Variants in RNF32 observed in about 807,000 individuals in gnomAD.
The protein encoded by RNF32 is ring finger protein 32.
Under a neutral mutation model 41.0 loss-of-function variants are expected in RNF32, and 36 were observed. The ratio of observed to expected loss-of-function variants is 0.88; its 90% confidence interval spans 0.67 to 1.16. The LOEUF (loss-of-function observed/expected upper bound fraction) is 1.16. RNF32 is among the 50% of genes most tolerant of loss of function. The pLI is 0.00. For synonymous variants in RNF32, 154 were observed against 160.9 expected (o/e 0.96, Z 0.32); for missense variants, 413 against 436.7 (o/e 0.95, Z 0.48).
intron 8 of RNF32, 174 bp from the exon 9 acceptor site, chr7:156,676,245 G>GTGTATA (rs57844131): frequency 1.2e-4 from 184 of 1,505,126 alleles, no homozygotes; most frequent in Middle Eastern, 3.9e-4. Flanking sequence ...ATATGTGTGT[G>GTGTATA]TATATATATA....
chr7:156,656,240 A>G (rs1346244572), intron 4 of RNF32, among the ~76,000 whole-genome samples: 1 of 152,230 alleles, frequency 6.6e-6, no homozygotes, highest in Non-Finnish European at 1.5e-5. Context: ...CTGGAATCCA[A>G]TCCTAACTTC....
chr7:156,660,364 A>T lies in RNF32; in HGVS notation c.684+1794A>T, dbSNP rs1405658449. 3 of 912,932 alleles carry T rather than the reference A, an allele frequency of 3.3e-6. No homozygotes were observed. In the Admixed American group the frequency reaches 1.9e-4, roughly 56 times the overall value. 56.6% of individuals were successfully genotyped at this position (912,932 alleles called of 1,614,324 possible). On this transcript the variant is annotated intron_variant, in intron 7 of 8. Coordinates refer to ENST00000317955, the MANE Select transcript of RNF32 (RefSeq NM_030936.4). The stretch of plus-strand genomic sequence containing the variant: ...AATGCTATTCTAGCTTGTATATTAC[A>T]AATGTGGTTTTTCCTTTGGGGCTTT...
rs1196897736 is a variant in RNF32, at chr7:156,670,774, G to A, written c.685-4922G>A. Among the ~76,000 whole-genome samples the A allele has an allele frequency of 6.6e-6, 1 of 152,142 alleles. No homozygotes were observed. Among genetic ancestry groups the A allele is most frequent in the Admixed American group, 6.6e-5 (1 of 15,260 alleles). ...AATGAAAGTTACATTCAAGACGAGA[G>A]GCAAAAGAAAAGCCAGACAAAAAGT... On this transcript the variant is annotated intron_variant, in intron 7 of 8. Transcript: ENST00000317955. The surrounding 1 kb of genome is among the most constrained non-coding windows in gnomAD (Gnocchi z 4.3).
chr7:156,656,360 T>C (rs1452595663), intron 4 of RNF32, among the ~76,000 whole-genome samples: 1 of 152,236 alleles, frequency 6.6e-6, no homozygotes, highest in East Asian at 1.9e-4. Flanking sequence ...AACACTTTAA[T>C]ATACTGACGT....
intron 7 of RNF32, chr7:156,658,844 AAT>A (rs1211473581): frequency 6.7e-7 from 1 of 1,483,318 alleles, no homozygotes; most frequent in Non-Finnish European, 9.2e-7. Context: ...TAATTGTTTA[AAT>A]AAACTTATCT....
upstream of RNF32, chr7:156,640,659 AG>A: frequency 2.9e-6 from 1 of 341,574 alleles, no homozygotes; most frequent in South Asian, 2.1e-5. Context: ...GAGCATGCGC[AG>A]TATGGGGCGG....
intron 7 of RNF32, among the ~76,000 whole-genome samples, chr7:156,674,812 G>A (rs539131506): frequency 1.3e-5 from 2 of 152,186 alleles, no homozygotes; most frequent in Non-Finnish European, 2.9e-5. Context: ...TAATGTGACT[G>A]CCAGAAATTT....
chr7:156,662,545 C>T (rs2131550152), intron 7 of RNF32, among the ~76,000 whole-genome samples: 1 of 152,190 alleles, frequency 6.6e-6, no homozygotes, highest in Non-Finnish European at 1.5e-5. Context: ...CGTGTGTACA[C>T]AGGCACAGTC....
chr7:156,653,944 C>T (rs1025900558), intron 3 of RNF32, among the ~76,000 whole-genome samples: 2 of 152,238 alleles, frequency 1.3e-5, no homozygotes, highest in East Asian at 3.9e-4. Context: ...TGGGCCAATA[C>T]GTGTGAACAA....
chr7:156,664,572 G>A (rs1328754786), intron 7 of RNF32, among the ~76,000 whole-genome samples: 1 of 152,184 alleles, frequency 6.6e-6, no homozygotes, highest in Non-Finnish European at 1.5e-5. Flanking sequence ...TACAAGTGGA[G>A]AATTTCCTTG....
At chr7:156,640,379 G>C (rs759048225), upstream of RNF32, 4 of 440,306 alleles carry the variant, frequency 9.1e-6, no homozygotes, top group Non-Finnish European at 1.8e-5. Context: ...AAAGCCGCCG[G>C]GGGCTGCGGA....
chr7:156,658,355 A>G (rs1332758248), intron 6 of RNF32, 103 bp downstream of exon 6: 3 of 1,560,478 alleles, frequency 1.9e-6, no homozygotes, highest in Non-Finnish European at 1.8e-6. Context: ...CTTGGCCACC[A>G]TAATTTCCCC....
intron 3 of RNF32, among the ~76,000 whole-genome samples, chr7:156,654,026 T>A (rs572215729): frequency 1.3e-5 from 2 of 152,066 alleles, no homozygotes; most frequent in African/African-American, 4.8e-5. Flanking sequence ...TATTGGGAAA[T>A]GAAATAAGAT....
chr7:156,644,511 A>G lies in RNF32; in HGVS notation c.28A>G (p.Lys10Glu). 3 of 1,609,592 alleles carry G rather than the reference A, an allele frequency of 1.9e-6. No homozygotes were observed. Among genetic ancestry groups the G allele is most frequent in the Non-Finnish European group, 2.5e-6 (3 of 1,177,986 alleles). The change falls in exon 3 of 9, where the codon AAG becomes GAG. Residue 10 changes from lysine to glutamate, a missense_variant. Physicochemically the swap from Lys to Glu is moderately conservative, Grantham distance 56. Coordinates refer to ENST00000317955, the MANE Select transcript of RNF32 (RefSeq NM_030936.4). ...TCCTACTTTTTAGGGTCACTCATCT[A>G]AGAAAGATAACTTGGCAGTCAATGC... The part of the protein sequence containing the change: MLKNKGHSS[K>E]KDNLAVNAVA...
In RNF32 at chr7:156,670,809, G is replaced by A. The variant is rs562905103; in HGVS notation, c.685-4887G>A. ...AAGCCAGACAAAAAGTGTGCCACTA[G>A]AACGTCTTCGTTAAAGGAAATTCTA... On this transcript the variant is annotated intron_variant, in intron 7 of 8. Coordinates refer to ENST00000317955, the MANE Select transcript of RNF32 (RefSeq NM_030936.4). The surrounding 1 kb of genome is among the most constrained non-coding windows in gnomAD (Gnocchi z 4.3). Among the ~76,000 whole-genome samples the A allele has an allele frequency of 1.3e-5, 2 of 152,340 alleles. No individual in the cohort carries two copies. The highest frequency in any genetic ancestry group is 4.1e-4 in the South Asian group (2 of 4,832).
chr7:156,643,665 G>A (rs1797650928), intron 1 of RNF32, 136 bp from the exon 2 acceptor site: 3 of 590,098 alleles, frequency 5.1e-6, no homozygotes, highest in South Asian at 2.2e-5. Flanking sequence ...GAACCAGAAT[G>A]TGTAGCTTAG....
At chr7:156,671,842 T>C (rs1802621165) in intron 7 of RNF32, among the ~76,000 whole-genome samples, 2 of 151,782 alleles carry the variant, frequency 1.3e-5, no homozygotes, top group African/African-American at 4.9e-5. Flanking sequence ...AGAAATAAAT[T>C]TTTTTTAAAA....
chr7:156,675,478 G>T (rs1803674174), intron 7 of RNF32, among the ~76,000 whole-genome samples: 1 of 152,286 alleles, frequency 6.6e-6, no homozygotes, highest in South Asian at 2.1e-4. Flanking sequence ...GGGGTAGTGT[G>T]TTCTGGACTC....
In RNF32 at chr7:156,648,066, G is replaced by A. The variant is rs149611217; in HGVS notation, c.274+3309G>A. Reference sequence around the variant, plus strand: ...TCTTGCTGATTTGTTTGAGTTCCTCGTAGGTTCTGGATACTAGTCCTTTGC... The same window carrying A: ...TCTTGCTGATTTGTTTGAGTTCCTCATAGGTTCTGGATACTAGTCCTTTGC... On this transcript the variant is annotated intron_variant, in intron 3 of 8. Transcript: ENST00000317955. Among the ~76,000 whole-genome samples the A allele has an allele frequency of 3.1e-4, 46 of 150,260 alleles. No homozygotes were observed. In the East Asian group the frequency reaches 6.6e-3, roughly 22 times the overall value.
Sources: allele counts gnomAD v4.1 joint callset (sites outside exome capture counted in the v4.1 genomes callset), GRCh38; gene constraint gnomAD v4.1.1; non-coding constraint Gnocchi (gnomAD v3.1); transcripts MANE v1.5; gene names NCBI Gene and HGNC (gene_info 2026-07-23, HGNC 2026-07-21).